KDM4C: variants seen among roughly 807,000 people sequenced by gnomAD.
KDM4C encodes lysine-specific demethylase 4C.
In KDM4C, 81 loss-of-function variants were observed where a neutral mutation model predicts 129.3. That is an observed-to-expected ratio of 0.63 (90% CI 0.52 to 0.75). The LOEUF is 0.75. Ranked by LOEUF, KDM4C falls within the 30% of genes least tolerant of loss-of-function variation. KDM4C has a pLI of 0.00. For synonymous variants in KDM4C, 573 were observed against 456.1 expected (o/e 1.26, Z -3.26); for missense variants, 1,457 against 1,304.0 (o/e 1.12, Z -1.81).
chr9:7,031,676 ATGTGTGTGTGTATG>A (rs1047226101), intron 15 of KDM4C, among the ~76,000 whole-genome samples: 3 of 151,826 alleles, frequency 2.0e-5, no homozygotes, highest in African/African-American at 7.3e-5. Context: ...TTATATATAT[ATGTGTGTGTGTATG>A]TGTGTGTGTG....
rs750957828 is a variant in KDM4C, at chr9:6,792,932, T to A, written c.-17-40T>A. On this transcript the variant is annotated intron_variant, in intron 1 of 21. Coordinates refer to ENST00000381309, the MANE Select transcript of KDM4C (RefSeq NM_015061.6). ...TTTGTTAAAAATGACCTAAAGCATATAATAATTCAGTTCTGTTGACCCTAC... is the reference window on the plus strand; with the variant it reads ...TTTGTTAAAAATGACCTAAAGCATAAAATAATTCAGTTCTGTTGACCCTAC... 5 of 1,603,042 alleles carry A rather than the reference T, an allele frequency of 3.1e-6. No individual in the cohort carries two copies. The African/African-American group carries it at 5.4e-5, about 17-fold the overall frequency.
At chr9:6,915,627 C>T (rs1367767182) in intron 8 of KDM4C, among the ~76,000 whole-genome samples, 1 of 152,194 alleles carries the variant, frequency 6.6e-6, no homozygotes. Context: ...ATCCACTTGA[C>T]TGTCTCAAGA....
intron 5 of KDM4C, among the ~76,000 whole-genome samples, chr9:6,865,240 C>T (rs1485801984): frequency 6.6e-6 from 1 of 152,114 alleles, no homozygotes; most frequent in Non-Finnish European, 1.5e-5. Context: ...GATCTCCTGA[C>T]CTCGTGATCC....
chr9:7,145,987 C>G (rs1291836078), intron 19 of KDM4C, among the ~76,000 whole-genome samples: 3 of 152,248 alleles, frequency 2.0e-5, no homozygotes, highest in Non-Finnish European at 4.4e-5. Context: ...CACAATCTGG[C>G]TAGTGCAAGC....
rs1829490934 is a variant in KDM4C, at chr9:7,046,943, A to G, written c.2315+26A>G. 2.1e-6 allele frequency: 3 copies of G among 1,461,364 alleles called. No individual in the cohort carries two copies. In the East Asian group the frequency reaches 6.8e-5, roughly 33 times the overall value. The allele number at this position is 1,461,364 out of a possible 1,614,324, so 90.5% of individuals were successfully genotyped here. ...GTAAGTAATACATTAATTGTGTTGA[A>G]TTTCATTATTTTTCTTTCTCCATTC... On this transcript the variant is annotated intron_variant, in intron 16 of 21. Coordinates refer to ENST00000381309, the MANE Select transcript of KDM4C (RefSeq NM_015061.6).
intron 8 of KDM4C, among the ~76,000 whole-genome samples, chr9:6,911,123 CAG>C (rs1247126585): frequency 2.6e-5 from 4 of 152,040 alleles, no homozygotes; most frequent in South Asian, 2.1e-4. Context: ...AAAAAAATAA[CAG>C]ATTATTTTTT....
chr9:6,970,067 T>C (rs1340887138), intron 8 of KDM4C, among the ~76,000 whole-genome samples: 2 of 152,222 alleles, frequency 1.3e-5, no homozygotes, highest in South Asian at 2.1e-4. Context: ...CCAGTCTAGC[T>C]TCCCTAAATT....
At position 7,026,088 on chromosome 9, in the gene KDM4C, C is replaced by T. The variant is rs145574355; in HGVS notation, c.2259+10159C>T. Among the ~76,000 whole-genome samples, 236 of 152,024 alleles carry T rather than the reference C, an allele frequency of 1.6e-3. 2 individuals are homozygous for T. The highest frequency in any genetic ancestry group is 4.5e-3 in the African/African-American group (187 of 41,470). On this transcript the variant is annotated intron_variant, in intron 15 of 21. Coordinates refer to ENST00000381309, the MANE Select transcript of KDM4C (RefSeq NM_015061.6). ...GGGTGTTGTGGCGAGCACCTGTAAT[C>T]CCAGCTACCTGTGAGGCTGAGGCAG...
At chr9:6,750,083 G>T (rs1818019505) in intron 1 of KDM4C, among the ~76,000 whole-genome samples, 1 of 149,502 alleles carries the variant, frequency 6.7e-6, no homozygotes, top group Admixed American at 6.7e-5. Context: ...AAGGCAATTT[G>T]TAGACAAGTT....
At chr9:6,790,013 C>T (rs1826223540) in intron 1 of KDM4C, among the ~76,000 whole-genome samples, 1 of 148,832 alleles carries the variant, frequency 6.7e-6, no homozygotes, top group African/African-American at 2.5e-5. Flanking sequence ...GTGGCTCACG[C>T]CTGTAATCCC....
upstream of KDM4C, among the ~76,000 whole-genome samples, chr9:6,757,200 G>A (rs1818358722): frequency 1.3e-5 from 2 of 152,202 alleles, no homozygotes. Flanking sequence ...TCTAGTCTCA[G>A]ACGCTGGAGG....
intron 8 of KDM4C, among the ~76,000 whole-genome samples, chr9:6,960,095 C>G (rs958423431): frequency 4.6e-5 from 7 of 151,732 alleles, no homozygotes; most frequent in Non-Finnish European, 7.4e-5. Context: ...CCTTAGGGGT[C>G]AAGACCTTCC....
intron 15 of KDM4C, 78 bp from the exon 16 acceptor site, chr9:7,046,784 C>A: frequency 1.0e-6 from 1 of 966,286 alleles, no homozygotes; most frequent in Non-Finnish European, 1.7e-6. Context: ...ATCAGGATCT[C>A]TGAGAATATT....
intron 8 of KDM4C, among the ~76,000 whole-genome samples, chr9:6,899,257 G>A (rs566724267): frequency 4.6e-5 from 7 of 151,958 alleles, no homozygotes; most frequent in Non-Finnish European, 7.4e-5. Flanking sequence ...CATGTGCATA[G>A]CCCCCCACAT....
chr9:7,119,004 C>A (rs1318603065), intron 18 of KDM4C, among the ~76,000 whole-genome samples: 1 of 152,134 alleles, frequency 6.6e-6, no homozygotes, highest in African/African-American at 2.4e-5. Flanking sequence ...TAGAGATTAA[C>A]TGTTTTCTCT....
intron 8 of KDM4C, among the ~76,000 whole-genome samples, chr9:6,938,260 A>T (rs1250833055): frequency 6.6e-6 from 1 of 152,126 alleles, no homozygotes; most frequent in Non-Finnish European, 1.5e-5. Context: ...GTTATGTGCA[A>T]TATGTATTTG....
chr9:6,893,425 C>G (rs41298218), intron 8 of KDM4C, 193 bp downstream of exon 8: 21,088 of 424,996 alleles, frequency 0.05, 1,031 homozygotes, highest in East Asian at 0.2. Context: ...CTGAATTTGT[C>G]TGTTTTGAGA....
chr9:6,873,807 G>A (rs1244457064), intron 5 of KDM4C, among the ~76,000 whole-genome samples: 1 of 151,998 alleles, frequency 6.6e-6, no homozygotes, highest in Non-Finnish European at 1.5e-5. Context: ...GCTTATCTTA[G>A]CTTTCAAAAT....
chr9:6,735,397 G>C (rs1817495516), intron 1 of KDM4C, among the ~76,000 whole-genome samples: 2 of 152,176 alleles, frequency 1.3e-5, no homozygotes, highest in African/African-American at 4.8e-5. Flanking sequence ...TGACAGCAGT[G>C]ATATGCTTTG....
Sources: allele counts gnomAD v4.1 joint callset (sites outside exome capture counted in the v4.1 genomes callset), GRCh38; gene constraint gnomAD v4.1.1; transcripts MANE v1.5; gene names NCBI Gene and HGNC (gene_info 2026-07-23, HGNC 2026-07-21).